PPP2R3A: variants seen among roughly 807,000 people sequenced by gnomAD.
PPP2R3A encodes the protein protein phosphatase 2 regulatory subunit B''alpha, also known as serine/threonine-protein phosphatase 2A regulatory subunit B'' subunit alpha.
Under a neutral mutation model 106.9 loss-of-function variants are expected in PPP2R3A, and 80 were observed. The observed-to-expected ratio is 0.75, with a 90% CI of 0.62 to 0.90. The LOEUF is 0.90. Ranked by LOEUF, PPP2R3A falls within the 40% of genes least tolerant of loss-of-function variation. The probability of loss-of-function intolerance (pLI) is 0.00; values close to 1 mark genes in which losing one functional copy is unlikely to be tolerated. For missense variants in PPP2R3A, 1,386 were observed against 1,350.4 expected (o/e 1.03, Z -0.41); for synonymous variants, 483 against 468.3 (o/e 1.03, Z -0.41).
intron 13 of PPP2R3A, among the ~76,000 whole-genome samples, chr3:136,126,369 T>C (rs1938182271): frequency 6.6e-6 from 1 of 152,214 alleles, no homozygotes; most frequent in South Asian, 2.1e-4. Flanking sequence ...TGCTCACTGC[T>C]AGCGCAGCAG....
chr3:136,046,775 A>G lies in PPP2R3A; in HGVS notation c.2367-2484A>G, dbSNP rs531213166. Among the ~76,000 whole-genome samples, 3 of 152,334 alleles carry G rather than the reference A, an allele frequency of 2.0e-5. No individual in the cohort carries two copies. The South Asian group carries it at 6.2e-4, about 32-fold the overall frequency. On this transcript the variant is annotated intron_variant, in intron 4 of 13. Coordinates refer to ENST00000264977, the MANE Select transcript of PPP2R3A (RefSeq NM_002718.5). ...TAATCAAATTAAAGCAGCTGAAATG[A>G]CAGAATTCAGAATCTGGATGGTAAG...
intron 1 of PPP2R3A, among the ~76,000 whole-genome samples, chr3:135,967,382 A>G (rs1179526182): frequency 1.3e-5 from 2 of 152,244 alleles, no homozygotes; most frequent in Non-Finnish European, 2.9e-5. Flanking sequence ...ATTTGTACTC[A>G]TAAGTATTTG....
intron 1 of PPP2R3A, among the ~76,000 whole-genome samples, chr3:135,998,097 C>G (rs998804676): frequency 2.6e-5 from 4 of 152,190 alleles, no homozygotes; most frequent in African/African-American, 9.6e-5. Flanking sequence ...GTTTTCCTGC[C>G]CTCTTGCTTG....
At position 136,121,985 on chromosome 3, in the gene PPP2R3A, T is replaced by C. The variant is rs530608428; in HGVS notation, c.3329+15663T>C. Among the ~76,000 whole-genome samples, 8 of 152,194 alleles carry C rather than the reference T, an allele frequency of 5.3e-5. No individual in the cohort carries two copies. In the South Asian group the frequency reaches 1.7e-3, roughly 32 times the overall value. ...TTAAAAATATATTTTAAGATAACCT[T>C]TAAGCAAAAAAGGAAATCTTTTGCT... is the stretch of plus-strand genomic sequence containing the variant. On this transcript the variant is annotated intron_variant, in intron 13 of 13. Transcript: ENST00000264977.
intron 1 of PPP2R3A, among the ~76,000 whole-genome samples, chr3:135,978,211 T>C (rs935135709): frequency 1.3e-5 from 2 of 152,162 alleles, no homozygotes; most frequent in South Asian, 4.1e-4. Context: ...TATTTACATA[T>C]GCATGTAATT....
Position 136,003,141 on chromosome 3 carries a change from G to T in PPP2R3A, c.1643G>T (p.Gly548Val). The change falls in exon 2 of 14, where the codon GGT becomes GTT. Residue 548 changes from glycine to valine, a missense_variant. By Grantham distance (109) the Gly-to-Val change is moderately radical (BLOSUM62 -3). Transcript: ENST00000264977. Reference sequence around the variant, plus strand: ...TTAAATAGTCACAGTCAGTTGACCGGTCAGACCCTTGTAGATCTTGAGCCT... The same window carrying T: ...TTAAATAGTCACAGTCAGTTGACCGTTCAGACCCTTGTAGATCTTGAGCCT... ...NFLNSHSQLT[G>V]QTLVDLEPKS... 6.2e-7 allele frequency: 1 copy of T among 1,613,832 alleles called. No homozygotes were observed. Among genetic ancestry groups the T allele is most frequent in the Non-Finnish European group, 8.5e-7 (1 of 1,179,884 alleles).
rs975499097 is a variant in PPP2R3A at position 136,145,247 on chromosome 3, C to T, written c.*81C>T. The T allele has an allele frequency of 7.8e-5, 115 of 1,474,264 alleles. 4 individuals carry two copies. The highest frequency in any genetic ancestry group is 6.1e-4 in the South Asian group (45 of 73,300). The allele number at this position is 1,474,264 out of a possible 1,614,324, so 91.3% of individuals were successfully genotyped here. Reference sequence around the variant, plus strand: ...AAGAGATGTTCTCGTTTGCATACTGCTTTTTAAAGACTTTGATTTCTCCAA... The same window carrying T: ...AAGAGATGTTCTCGTTTGCATACTGTTTTTTAAAGACTTTGATTTCTCCAA... On this transcript the variant is annotated 3_prime_UTR_variant, in exon 14 of 14. Coordinates refer to ENST00000264977, the MANE Select transcript of PPP2R3A (RefSeq NM_002718.5).
rs535304645 is a variant in PPP2R3A at position 136,041,835 on chromosome 3, A to T, written c.2366+873A>T. 2.6e-5 allele frequency among the ~76,000 whole-genome samples: 4 copies of T among 152,318 alleles called. No homozygotes were observed. In the East Asian group the frequency reaches 5.8e-4, roughly 22 times the overall value. On this transcript the variant is annotated intron_variant, in intron 4 of 13. Transcript: ENST00000264977. ...ATTCTGACAAATTTTCTTGAATTCAAACCCAACATCTTTCTTCTTTATCTC... is the reference window on the plus strand; with the variant it reads ...ATTCTGACAAATTTTCTTGAATTCATACCCAACATCTTTCTTCTTTATCTC...
intron 2 of PPP2R3A, among the ~76,000 whole-genome samples, chr3:136,023,429 C>T (rs772040453): frequency 6.6e-6 from 1 of 152,020 alleles, no homozygotes; most frequent in African/African-American, 2.4e-5. Context: ...ACCTGGAGTA[C>T]AGTACTCACA....
At chr3:136,070,703 A>G in intron 6 of PPP2R3A, 151 bp downstream of exon 6, 1 of 606,616 alleles carries the variant, frequency 1.6e-6, no homozygotes, top group Non-Finnish European at 2.6e-6. Context: ...AATTGAATTC[A>G]TAATTTCTTC....
chr3:136,002,956 A>T lies in PPP2R3A; in HGVS notation c.1458A>T (p.Lys486Asn). The change falls in exon 2 of 14, where the codon AAA becomes AAT. Residue 486 changes from lysine to asparagine, a missense_variant. Transcript: ENST00000264977. The stretch of plus-strand genomic sequence containing the variant: ...TTAATCTACCTAAGGAAGACTGTAA[A>T]TCAAAAGTTTCTAAATTTGAAGAGG... ...SFVNLPKEDC[K>N]SKVSKFEEGD... The T allele has an allele frequency of 6.2e-7, 1 of 1,612,640 alleles. No individual in the cohort carries two copies. Among genetic ancestry groups the T allele is most frequent in the South Asian group, 1.1e-5 (1 of 90,680 alleles).
chr3:136,017,989 A>G (rs561843589), intron 2 of PPP2R3A, among the ~76,000 whole-genome samples: 67 of 152,350 alleles, frequency 4.4e-4, no homozygotes, highest in African/African-American at 1.5e-3. Flanking sequence ...GGGCTAGGCC[A>G]GGCACAGTGG....
At position 136,146,048 on chromosome 3, in the gene PPP2R3A, T is replaced by C. The variant is rs1267969096; in HGVS notation, c.*882T>C. The C allele has an allele frequency of 6.6e-6, 1 of 152,162 alleles. No homozygotes were observed. Among genetic ancestry groups the C allele is most frequent in the Non-Finnish European group, 1.5e-5 (1 of 68,012 alleles). The allele number at this position is 152,162 out of a possible 1,614,324, so 9.4% of individuals were successfully genotyped here. A position where few individuals can be genotyped will look rare whatever the true frequency, so the allele number is the denominator to read the frequency against. ...CATTAAAATTCTTACTAGATAGATA[T>C]ATTCCTTCCTCCCAGGAGTATTAGA... On this transcript the variant is annotated 3_prime_UTR_variant, in exon 14 of 14. Transcript: ENST00000264977.
intron 6 of PPP2R3A, among the ~76,000 whole-genome samples, chr3:136,075,399 C>T (rs1559905007): frequency 1.3e-5 from 2 of 152,182 alleles, no homozygotes; most frequent in African/African-American, 4.8e-5. Flanking sequence ...CTACATGCTT[C>T]ACCACTAGAT....
intron 4 of PPP2R3A, among the ~76,000 whole-genome samples, 168 bp from the exon 5 acceptor site, chr3:136,049,091 A>G (rs1037971238): frequency 6.6e-5 from 10 of 152,302 alleles, no homozygotes; most frequent in African/African-American, 2.4e-4. Context: ...TACTCATCCA[A>G]CCTTATAGAC....
At chr3:136,030,637 G>C (rs1934837583) in intron 3 of PPP2R3A, among the ~76,000 whole-genome samples, 1 of 151,928 alleles carries the variant, frequency 6.6e-6, no homozygotes, top group South Asian at 2.1e-4. Context: ...ACTTATGAGT[G>C]AGAACATATG....
chr3:136,012,013 A>ACACT (rs565941931), intron 2 of PPP2R3A, among the ~76,000 whole-genome samples: 24 of 150,218 alleles, frequency 1.6e-4, no homozygotes, highest in South Asian at 6.3e-4. Context: ...ACACACACAC[A>ACACT]CTCTCCACCA....
intron 5 of PPP2R3A, among the ~76,000 whole-genome samples, chr3:136,054,131 T>A (rs935466036): frequency 3.3e-5 from 5 of 152,194 alleles, no homozygotes; most frequent in African/African-American, 1.2e-4. Context: ...CCAGTGCTTT[T>A]TATTTCTAAG....
intron 2 of PPP2R3A, among the ~76,000 whole-genome samples, chr3:136,015,706 C>T (rs1302999243): frequency 1.3e-5 from 2 of 151,390 alleles, no homozygotes; most frequent in African/African-American, 2.4e-5. Context: ...CGTCTCTCTT[C>T]TTTTCTCGGT....
Sources: gnomAD v4.1 joint callset for allele counts (sites outside exome capture counted in the v4.1 genomes callset) on GRCh38, gnomAD v4.1.1 for gene constraint, MANE v1.5 for transcripts, NCBI Gene and HGNC (gene_info 2026-07-23, HGNC 2026-07-21) for gene names.